LRP1B: variants seen among roughly 807,000 people sequenced by gnomAD.
LRP1B encodes the protein LDL receptor related protein 1B, also known as low-density lipoprotein receptor-related protein 1B.
LRP1B carries 217 observed loss-of-function variants against 556.6 expected under a neutral mutation model. The ratio of observed to expected loss-of-function variants is 0.39; its 90% confidence interval spans 0.35 to 0.44. The LOEUF (loss-of-function observed/expected upper bound fraction) is 0.44, where lower values mean the gene tolerates loss of function less well. LRP1B is among the 20% of genes least tolerant of loss of function. LRP1B has a pLI of 1.00. For missense variants in LRP1B, 5,053 were observed against 5,620.8 expected, an observed-to-expected ratio of 0.90 and a Z score of 3.23; for synonymous variants, 2,047 against 1,865.8, an observed-to-expected ratio of 1.10 and a Z score of -2.50.
At chr2:141,558,456 T>C (rs1686037778) in intron 2 of LRP1B, among the ~76,000 whole-genome samples, 1 of 151,820 alleles carries the variant, frequency 6.6e-6, no homozygotes, top group African/African-American at 2.4e-5. Context: ...TCACATTCAG[T>C]ACCTTCTCTC....
In LRP1B at chr2:140,637,016, G is replaced by A. The variant is rs151161232; in HGVS notation, c.6800-35377C>T. Among the ~76,000 whole-genome samples the A allele has an allele frequency of 3.4e-3, 516 of 152,292 alleles. 4 individuals carry two copies. Among genetic ancestry groups the A allele is most frequent in the Middle Eastern group, 0.014 (4 of 294 alleles). ...AAATAAACTTTGAATCTGTCCCGGTGAGAGTTTATTTTATTAATGGCTTTG... is the reference window on the plus strand; with the variant it reads ...AAATAAACTTTGAATCTGTCCCGGTAAGAGTTTATTTTATTAATGGCTTTG... On this transcript the variant is annotated intron_variant, in intron 41 of 90. Transcript: ENST00000389484.
chr2:141,476,034 A>G (rs1682691550), intron 3 of LRP1B, among the ~76,000 whole-genome samples: 1 of 152,178 alleles, frequency 6.6e-6, no homozygotes, highest in Non-Finnish European at 1.5e-5. Context: ...ATAACATGCC[A>G]ACTGGGGCTT....
chr2:142,003,408 C>T (rs1159723161), intron 1 of LRP1B, among the ~76,000 whole-genome samples: 1 of 152,124 alleles, frequency 6.6e-6, no homozygotes, highest in Non-Finnish European at 1.5e-5. Context: ...GGGAAGAGAA[C>T]AGTGCCTTTT....
chr2:141,216,955 T>C (rs1437630488), intron 6 of LRP1B, among the ~76,000 whole-genome samples: 2 of 152,166 alleles, frequency 1.3e-5, no homozygotes, highest in African/African-American at 4.8e-5. Context: ...GATGAGACTT[T>C]AGACTTGGGA....
Position 140,456,458 on chromosome 2 carries a change from G to T in LRP1B, c.9960C>A (p.Ser3320Arg), listed in dbSNP as rs367580575. The change falls in exon 62 of 91, where the codon AGC becomes AGA. Residue 3320 changes from serine (S) to arginine (R), a missense_variant. Ser to Arg is a moderately radical substitution (Grantham distance 110, BLOSUM62 -1). Transcript: ENST00000389484. ...AGATTCCCAGACCTCCACTCACCTG[G>T]CTGGCTGTGCAGTTGGATAAGCAAG... ...NRTCLSNCTA[S>R]QFRCKTDKCI... The T allele has an allele frequency of 6.2e-7, 1 of 1,612,318 alleles. No individual in the cohort carries two copies. Among genetic ancestry groups the T allele is most frequent in the Non-Finnish European group, 8.5e-7 (1 of 1,179,028 alleles).
rs1239778419 is a variant in LRP1B, at chr2:140,708,961, A to G, written c.6024-6408T>C. Among the ~76,000 whole-genome samples the G allele has an allele frequency of 2.0e-5, 3 of 152,034 alleles. No individual in the cohort carries two copies. In the East Asian group the frequency reaches 5.8e-4, roughly 29 times the overall value. ...GTGTTCCCTTGCTTTAAGATGCAAAATATACTCTAAGAGATGGTATTAAAC... is the reference window on the plus strand; with the variant it reads ...GTGTTCCCTTGCTTTAAGATGCAAAGTATACTCTAAGAGATGGTATTAAAC... On this transcript the variant is annotated intron_variant, in intron 37 of 90. Coordinates refer to ENST00000389484, the MANE Select transcript of LRP1B (RefSeq NM_018557.3).
At chr2:141,738,850 C>A (rs914300354) in intron 2 of LRP1B, among the ~76,000 whole-genome samples, 3 of 152,036 alleles carry the variant, frequency 2.0e-5, no homozygotes, top group African/African-American at 7.2e-5. Flanking sequence ...TTAGGAAATG[C>A]CCACATTTGT....
At chr2:141,589,037 T>C (rs1228314350) in intron 2 of LRP1B, among the ~76,000 whole-genome samples, 1 of 152,158 alleles carries the variant, frequency 6.6e-6, no homozygotes, top group Non-Finnish European at 1.5e-5. Flanking sequence ...ATTTTGAAAC[T>C]GGGTATATAT....
chr2:141,810,115 AAG>A (rs1558890863), intron 2 of LRP1B, among the ~76,000 whole-genome samples, 162 bp downstream of exon 2: 1 of 60,372 alleles, frequency 1.7e-5, no homozygotes, highest in East Asian at 3.6e-4. Flanking sequence ...AAGAAAGAAA[AAG>A]AAAGAAAGAA....
chr2:141,978,784 G>A (rs1701961598), intron 1 of LRP1B, among the ~76,000 whole-genome samples: 2 of 151,902 alleles, frequency 1.3e-5, no homozygotes, highest in Non-Finnish European at 2.9e-5. Context: ...ATCCAGAACT[G>A]TCCATTACTA....
intron 1 of LRP1B, among the ~76,000 whole-genome samples, chr2:141,877,988 T>G (rs145185918): frequency 2.0e-5 from 3 of 152,074 alleles, no homozygotes; most frequent in Non-Finnish European, 4.4e-5. Flanking sequence ...CTCATACTTC[T>G]TGGCATATGT....
intron 11 of LRP1B, among the ~76,000 whole-genome samples, chr2:141,048,686 T>C (rs1157425686): frequency 6.6e-6 from 1 of 152,124 alleles, no homozygotes; most frequent in Non-Finnish European, 1.5e-5. Context: ...CATACAGCAC[T>C]GTAAACATAT....
At chr2:141,842,383 T>C (rs536337386) in intron 1 of LRP1B, among the ~76,000 whole-genome samples, 1 of 152,230 alleles carries the variant, frequency 6.6e-6, no homozygotes, top group East Asian at 1.9e-4. Context: ...TAGATAGTAA[T>C]CTTAACCTCT....
At chr2:141,054,152 A>C (rs2105453858) in intron 10 of LRP1B, among the ~76,000 whole-genome samples, 1 of 152,160 alleles carries the variant, frequency 6.6e-6, no homozygotes, top group East Asian at 1.9e-4. Context: ...TCAGACTTCA[A>C]ATTCTAACAC....
chr2:140,580,734 T>A lies in LRP1B; in HGVS notation c.7194+17897A>T, dbSNP rs139180401. The stretch of plus-strand genomic sequence containing the variant: ...ATTATCAAAACCTAATTCATATGAG[T>A]TAATGGCTTTTTATCTTTTTTAAAC... On this transcript the variant is annotated intron_variant, in intron 43 of 90. Transcript: ENST00000389484. 3.1e-3 allele frequency among the ~76,000 whole-genome samples: 479 copies of A among 152,226 alleles called. 4 individuals carry two copies. The highest frequency in any genetic ancestry group is 0.011 in the African/African-American group (461 of 41,528).
At chr2:141,217,879 TTAAA>T (rs1188872398) in intron 6 of LRP1B, among the ~76,000 whole-genome samples, 3 of 151,968 alleles carry the variant, frequency 2.0e-5, no homozygotes, top group Admixed American at 2.0e-4. Context: ...TTTAAGGAAC[TTAAA>T]TAAATGAATA....
intron 2 of LRP1B, among the ~76,000 whole-genome samples, chr2:141,492,050 A>C (rs1319208640): frequency 7.3e-6 from 1 of 136,610 alleles, no homozygotes; most frequent in Non-Finnish European, 1.5e-5. Context: ...TCATTATCAA[A>C]GTCCTTGAAA....
At chr2:141,870,991 T>C (rs1260449371) in intron 1 of LRP1B, among the ~76,000 whole-genome samples, 1 of 151,930 alleles carries the variant, frequency 6.6e-6, no homozygotes, top group Non-Finnish European at 1.5e-5. Flanking sequence ...ACAAAACTCA[T>C]CATTCATATT....
chr2:140,851,545 G>GAA, intron 28 of LRP1B, 107 bp downstream of exon 28: 3 of 1,287,404 alleles, frequency 2.3e-6, no homozygotes, highest in South Asian at 2.9e-5. Flanking sequence ...TTTGAAAACA[G>GAA]AAAAAAAAAC....
Sources: allele counts gnomAD v4.1 joint callset (sites outside exome capture counted in the v4.1 genomes callset), GRCh38; gene constraint gnomAD v4.1.1; transcripts MANE v1.5; gene names NCBI Gene and HGNC (gene_info 2026-07-23, HGNC 2026-07-21).